Variants in ADAMTSL1 observed in about 807,000 individuals in gnomAD.
The protein encoded by ADAMTSL1 is ADAMTS like 1, also known as ADAMTS-like protein 1.
A neutral mutation model predicts 201.8 loss-of-function variants in ADAMTSL1; 126 were observed. That is an observed-to-expected ratio of 0.62 (90% CI 0.54 to 0.72). The LOEUF (loss-of-function observed/expected upper bound fraction) is 0.72. Ranked by LOEUF, ADAMTSL1 falls within the 30% of genes least tolerant of loss-of-function variation. The pLI is 0.00. For missense variants in ADAMTSL1, 2,679 were observed against 2,277.8 expected, an observed-to-expected ratio of 1.18 and a Z score of -3.59; for synonymous variants, 1,121 against 903.4, an observed-to-expected ratio of 1.24 and a Z score of -4.32.
chr9:18,186,519 G>C (rs1413391457), intron 2 of ADAMTSL1, among the ~76,000 whole-genome samples: 2 of 152,224 alleles, frequency 1.3e-5, no homozygotes, highest in East Asian at 3.9e-4. Flanking sequence ...TTTGCCGACT[G>C]TAGAATGGGT....
chr9:18,492,895 G>C (rs1010744914), intron 1 of ADAMTSL1, among the ~76,000 whole-genome samples: 2 of 152,164 alleles, frequency 1.3e-5, no homozygotes, highest in Non-Finnish European at 2.9e-5. Context: ...CTGTTGCCTA[G>C]ACTGTGTCCC....
At chr9:18,686,019 A>G (rs371850932) in intron 13 of ADAMTSL1, among the ~76,000 whole-genome samples, 6 of 151,972 alleles carry the variant, frequency 3.9e-5, no homozygotes, top group African/African-American at 9.7e-5. Context: ...GCCAGGCTCA[A>G]TGAATTCTCT....
intron 7 of ADAMTSL1, among the ~76,000 whole-genome samples, chr9:18,651,838 G>C (rs910000413): frequency 2.0e-5 from 3 of 152,112 alleles, no homozygotes; most frequent in African/African-American, 4.8e-5. Context: ...TTTATTATAA[G>C]AGGTAACAAT....
At chr9:18,293,521 G>A (rs571558361) in intron 2 of ADAMTSL1, among the ~76,000 whole-genome samples, 1 of 152,316 alleles carries the variant, frequency 6.6e-6, no homozygotes, top group Admixed American at 6.5e-5. Context: ...GGCCCTGGGT[G>A]CCAAGCTCAG....
intron 9 of ADAMTSL1, among the ~76,000 whole-genome samples, chr9:18,667,343 G>A (rs534680299): frequency 6.6e-6 from 1 of 151,478 alleles, no homozygotes; most frequent in South Asian, 2.1e-4. Flanking sequence ...ATTAGAACAA[G>A]TGTTATGTGT....
At chr9:18,643,893 GT>G (rs527719223) in intron 7 of ADAMTSL1, among the ~76,000 whole-genome samples, 39 of 150,344 alleles carry the variant, frequency 2.6e-4, no homozygotes, top group South Asian at 8.4e-4. Flanking sequence ...GAATTTTAGG[GT>G]TTTTTTTTCC....
rs926066979 is a variant in ADAMTSL1, at chr9:18,712,307, G to A, written c.1876+5259G>A. Among the ~76,000 whole-genome samples, 22 of 152,052 alleles carry A rather than the reference G, an allele frequency of 1.4e-4. 1 individual carries two copies. The highest frequency in any genetic ancestry group is 5.9e-4 in the Admixed American group (9 of 15,270). On this transcript the variant is annotated intron_variant, in intron 14 of 28. Coordinates refer to ENST00000380548, the MANE Select transcript of ADAMTSL1 (RefSeq NM_001040272.6). Reference sequence around the variant, plus strand: ...AGACAATCAAATTACTCCGAGCTATGGGAGGACATTCAAACCAAAGGCAAA... The same window carrying A: ...AGACAATCAAATTACTCCGAGCTATAGGAGGACATTCAAACCAAAGGCAAA...
intron 1 of ADAMTSL1, among the ~76,000 whole-genome samples, chr9:18,153,452 G>T (rs112909040): frequency 0.034 from 5,201 of 152,030 alleles, 135 homozygotes; most frequent in Middle Eastern, 0.078. Context: ...TATATTTATA[G>T]AACTCAATTC....
chr9:18,225,055 C>T (rs1345562019), intron 2 of ADAMTSL1, among the ~76,000 whole-genome samples: 1 of 152,066 alleles, frequency 6.6e-6, no homozygotes, highest in South Asian at 2.1e-4. Context: ...TTCTTAATTA[C>T]TCTGGGATAA....
chr9:18,683,747 C>G (rs200791519), intron 12 of ADAMTSL1, among the ~76,000 whole-genome samples: 1 of 152,102 alleles, frequency 6.6e-6, no homozygotes, highest in Non-Finnish European at 1.5e-5. Flanking sequence ...TTATCTTTAC[C>G]AAGCCACTTC....
At chr9:18,893,776 A>G (rs1353902073) in intron 26 of ADAMTSL1, among the ~76,000 whole-genome samples, 5 of 152,230 alleles carry the variant, frequency 3.3e-5, no homozygotes, top group Admixed American at 6.5e-5. Context: ...CCTGTGAGAC[A>G]CAAAAAAATC....
intron 2 of ADAMTSL1, among the ~76,000 whole-genome samples, chr9:18,524,077 T>G (rs1818880289): frequency 1.3e-5 from 2 of 151,174 alleles, no homozygotes; most frequent in African/African-American, 2.4e-5. Flanking sequence ...CCCATGAGCA[T>G]GGAATGTTCT....
At chr9:18,191,309 C>G (rs766621894) in intron 2 of ADAMTSL1, among the ~76,000 whole-genome samples, 2 of 152,102 alleles carry the variant, frequency 1.3e-5, no homozygotes, top group Admixed American at 6.6e-5. Context: ...CTTCAGCACT[C>G]CAGAGCTCCT....
intron 2 of ADAMTSL1, among the ~76,000 whole-genome samples, chr9:18,441,154 CA>C (rs1362780234): frequency 6.6e-6 from 1 of 151,242 alleles, no homozygotes; most frequent in South Asian, 2.1e-4. Flanking sequence ...TAGTAGCTAT[CA>C]GGGGCTGGGA....
intron 2 of ADAMTSL1, among the ~76,000 whole-genome samples, chr9:18,192,157 C>T (rs1828997436): frequency 6.6e-6 from 1 of 152,038 alleles, no homozygotes; most frequent in African/African-American, 2.4e-5. Flanking sequence ...TTGTTGCTGA[C>T]CTTTCTACTC....
chr9:18,607,855 G>GC (rs943431278), intron 4 of ADAMTSL1, among the ~76,000 whole-genome samples: 3 of 151,610 alleles, frequency 2.0e-5, no homozygotes, highest in African/African-American at 7.3e-5. Flanking sequence ...GCGATAGTTT[G>GC]CCGAGAATGT....
At chr9:18,056,561 G>T (rs1822194887) in intron 1 of ADAMTSL1, among the ~76,000 whole-genome samples, 1 of 152,112 alleles carries the variant, frequency 6.6e-6, no homozygotes, top group Non-Finnish European at 1.5e-5. Flanking sequence ...TTATTTGTTG[G>T]CGAGGTATAT....
intron 1 of ADAMTSL1, among the ~76,000 whole-genome samples, chr9:18,062,615 C>T (rs2131704027): frequency 6.6e-6 from 1 of 152,108 alleles, no homozygotes; most frequent in African/African-American, 2.4e-5. Context: ...TCATTCTGGA[C>T]AGTCTGAGTA....
At chr9:18,635,157 G>T (rs755164229) in intron 5 of ADAMTSL1, among the ~76,000 whole-genome samples, 6 of 151,750 alleles carry the variant, frequency 4.0e-5, no homozygotes, top group Middle Eastern at 3.4e-3. Context: ...TTTAACCTCT[G>T]CAGTACCATA....
Sources: allele counts gnomAD v4.1 joint callset (sites outside exome capture counted in the v4.1 genomes callset), GRCh38; gene constraint gnomAD v4.1.1; transcripts MANE v1.5; gene names NCBI Gene and HGNC (gene_info 2026-07-23, HGNC 2026-07-21).